Variants in DCAF8 observed in about 807,000 individuals in gnomAD.
The protein encoded by DCAF8 is DDB1- and CUL4-associated factor 8.
Under a neutral mutation model 68.0 loss-of-function variants are expected in DCAF8, and 20 were observed. The ratio of observed to expected loss-of-function variants is 0.29; its 90% CI spans 0.21 to 0.43. The LOEUF (loss-of-function observed/expected upper bound fraction) is 0.43, where lower values mean the gene tolerates loss of function less well. DCAF8 is among the 20% of genes least tolerant of loss of function. The pLI, the probability that DCAF8 is intolerant of heterozygous loss-of-function variation, is 1.00. For missense variants in DCAF8, 460 were observed against 771.0 expected, an observed-to-expected ratio of 0.60 and a Z score of 4.78; for synonymous variants, 230 against 276.9, an observed-to-expected ratio of 0.83 and a Z score of 1.68.
chr1:160,246,584 G>C (rs1446599873), intron 2 of DCAF8, among the ~76,000 whole-genome samples: 1 of 152,100 alleles, frequency 6.6e-6, no homozygotes, highest in Non-Finnish European at 1.5e-5. Context: ...TTGAGCTCAG[G>C]AATTCAAGAC....
chr1:160,257,419 T>C (rs1571117224), intron 2 of DCAF8, among the ~76,000 whole-genome samples: 2 of 152,298 alleles, frequency 1.3e-5, no homozygotes, highest in Non-Finnish European at 2.9e-5. Context: ...TTTTATACAG[T>C]AGAAATAATG....
intron 6 of DCAF8, among the ~76,000 whole-genome samples, chr1:160,236,021 G>A (rs1571092681): frequency 1.3e-5 from 2 of 152,274 alleles, no homozygotes; most frequent in South Asian, 4.2e-4. Flanking sequence ...TTACAGGCGT[G>A]AGCCACCGTG....
chr1:160,231,359 C>A lies in DCAF8; in HGVS notation c.1008G>T (p.Thr336=), dbSNP rs766567740. ...KEKEKKVGLY[T]IYVNPANTHQ... ...GGGTATTGGCAGGATTCACATAGAT[C>A]GTATACAGCCCCACTTTCTTCTCTT... The change falls in exon 7 of 14, where the codon ACG becomes ACT. Residue 336 remains threonine, a synonymous_variant. Transcript: ENST00000368074. 2 of 1,614,142 alleles carry A rather than the reference C, an allele frequency of 1.2e-6. No homozygotes were observed. The highest frequency in any genetic ancestry group is 4.5e-5 in the East Asian group (2 of 44,874).
Position 160,231,423 on chromosome 1 carries a change from A to C in DCAF8, c.960-16T>G, listed in dbSNP as rs756098802. 8.8e-6 allele frequency: 14 copies of C among 1,596,570 alleles called. No individual in the cohort carries two copies. The South Asian group carries it at 1.4e-4, about 16-fold the overall frequency. ...CACCAGTTTCCTTTAAGAGTAGAAAAGCACAGAAAGTTATATACTCCAAAA... is the reference window on the plus strand; with the variant it reads ...CACCAGTTTCCTTTAAGAGTAGAAACGCACAGAAAGTTATATACTCCAAAA... On this transcript the variant is annotated splice_polypyrimidine_tract_variant and intron_variant, in intron 6 of 13. Transcript: ENST00000368074.
rs7538782 is a variant in DCAF8, at chr1:160,232,595, C to G, written c.960-1188G>C. 2.9e-3 allele frequency among the ~76,000 whole-genome samples: 442 copies of G among 151,464 alleles called. 1 individual carries two copies. Among genetic ancestry groups the G allele is most frequent in the African/African-American group, 0.01 (417 of 41,250 alleles). On this transcript the variant is annotated intron_variant, in intron 6 of 13. Transcript: ENST00000368074. ...GGCAGAGGTTCCAGTGGACCAAGAT[C>G]GTGCCACTGCACTCCAGCCTGGGTG...
intron 2 of DCAF8, among the ~76,000 whole-genome samples, chr1:160,245,507 T>C (rs1419509809): frequency 6.6e-6 from 1 of 152,138 alleles, no homozygotes; most frequent in Non-Finnish European, 1.5e-5. Flanking sequence ...AAAAGTATCC[T>C]CTGTCAAAAG....
intron 2 of DCAF8, among the ~76,000 whole-genome samples, chr1:160,254,412 A>C (rs1656738519): frequency 6.6e-6 from 1 of 152,116 alleles, no homozygotes; most frequent in South Asian, 2.1e-4. Flanking sequence ...TTGTATTCCT[A>C]CTGTCATTTG....
chr1:160,234,922 C>T (rs1430679707), intron 6 of DCAF8, among the ~76,000 whole-genome samples: 1 of 152,186 alleles, frequency 6.6e-6, no homozygotes, highest in Non-Finnish European at 1.5e-5. Context: ...TTCCCCAAGC[C>T]TAAAACATTT....
At chr1:160,248,124 G>C (rs1656414653) in intron 2 of DCAF8, among the ~76,000 whole-genome samples, 1 of 151,898 alleles carries the variant, frequency 6.6e-6, no homozygotes, top group Non-Finnish European at 1.5e-5. Flanking sequence ...TGGCCAACAT[G>C]GTGAAACCCC....
At chr1:160,254,321 C>CA (rs201875040) in intron 2 of DCAF8, among the ~76,000 whole-genome samples, 3,374 of 115,354 alleles carry the variant, frequency 0.029, 103 homozygotes, top group African/African-American at 0.093. Flanking sequence ...AACTCTGTCT[C>CA]AAAAAAAAAA....
In DCAF8 at chr1:160,239,892, T is replaced by C; in HGVS notation, c.528A>G (p.Ala176=). The change falls in exon 4 of 14, where the codon GCA becomes GCG. Residue 176 remains alanine (A), a synonymous_variant. Coordinates refer to ENST00000368074, the MANE Select transcript of DCAF8 (RefSeq NM_015726.4). ...GGCGGAAACGCTGCACAAAGACTCT[T>C]GCCCCACAGGCCTCATAGACAAAGC... ...SARFVYEACG[A]RVFVQRFRLQ... 1 of 1,614,244 alleles carries C rather than the reference T, an allele frequency of 6.2e-7. No individual in the cohort carries two copies. Among genetic ancestry groups the C allele is most frequent in the Non-Finnish European group, 8.5e-7 (1 of 1,180,036 alleles).
rs571419613 is a variant in DCAF8 at position 160,245,652 on chromosome 1, GAT to G, written c.-26-1620_-26-1619del. ...TGAAAGACAATGGCAACAAAAAACA[GAT>G]ATGTGAAGCAACATGAAGAAAAATA... On this transcript the variant is annotated intron_variant, in intron 2 of 13. Coordinates refer to ENST00000368074, the MANE Select transcript of DCAF8 (RefSeq NM_015726.4). Among the ~76,000 whole-genome samples, 37 of 152,322 alleles carry G rather than the reference GAT, an allele frequency of 2.4e-4. No homozygotes were observed. The East Asian group carries it at 7.1e-3, about 29-fold the overall frequency.
At chr1:160,231,480 G>T in intron 6 of DCAF8, 73 bp from the exon 7 acceptor site, 1 of 1,056,198 alleles carries the variant, frequency 9.5e-7, no homozygotes, top group Non-Finnish European at 1.5e-6. Context: ...GGAGAGCCAA[G>T]AGAGTCACAT....
intron 2 of DCAF8, among the ~76,000 whole-genome samples, chr1:160,247,168 G>A (rs1186334704): frequency 6.6e-6 from 1 of 152,154 alleles, no homozygotes; most frequent in Non-Finnish European, 1.5e-5. Context: ...TGGAAAAGCT[G>A]ATGAGCTCAC....
intron 2 of DCAF8, among the ~76,000 whole-genome samples, chr1:160,259,675 A>G (rs1180068784): frequency 1.3e-5 from 2 of 152,240 alleles, no homozygotes; most frequent in Non-Finnish European, 2.9e-5. Flanking sequence ...GAAGGAAAAA[A>G]TGTATTCCCT....
chr1:160,235,519 T>C (rs1285904722), intron 6 of DCAF8, among the ~76,000 whole-genome samples: 2 of 151,986 alleles, frequency 1.3e-5, no homozygotes, highest in Non-Finnish European at 1.5e-5. Flanking sequence ...ACCAATGCTA[T>C]GACATTTCTC....
At position 160,217,260 on chromosome 1, in the gene DCAF8, A is replaced by C; in HGVS notation, c.*332T>G. 8.3e-5 allele frequency: 14 copies of C among 169,120 alleles called. No individual in the cohort carries two copies. Among genetic ancestry groups the C allele is most frequent in the East Asian group, 3.2e-4 (2 of 6,268 alleles). 10.5% of individuals were successfully genotyped at this position (169,120 alleles called of 1,614,324 possible). A position where few individuals can be genotyped will look rare whatever the true frequency, so the allele number is the denominator to read the frequency against. On this transcript the variant is annotated 3_prime_UTR_variant, in exon 14 of 14. Coordinates refer to ENST00000368074, the MANE Select transcript of DCAF8 (RefSeq NM_015726.4). ...CCTCCCCCAGCCCAAGAAACAAGGG[A>C]GATTAAAGAAAAAGAAACCCCATTC...
Position 160,218,455 on chromosome 1 carries a change from G to A in DCAF8, c.1561-15C>T. Reference sequence around the variant, plus strand: ...TTCTTAATCACCTGGAACCCAAAAAGGTTGGGAAGAGGGGGCAGCAATGAA... The same window carrying A: ...TTCTTAATCACCTGGAACCCAAAAAAGTTGGGAAGAGGGGGCAGCAATGAA... On this transcript the variant is annotated splice_polypyrimidine_tract_variant and intron_variant, in intron 12 of 13. Transcript: ENST00000368074. The A allele has an allele frequency of 1.2e-6, 2 of 1,607,420 alleles. No individual in the cohort carries two copies. Among genetic ancestry groups the A allele is most frequent in the African/African-American group, 1.3e-5 (1 of 74,908 alleles).
intron 2 of DCAF8, among the ~76,000 whole-genome samples, chr1:160,252,753 G>C (rs376363619): frequency 3.3e-5 from 5 of 152,142 alleles, no homozygotes; most frequent in African/African-American, 1.2e-4. Context: ...CATGAGAATC[G>C]TTGTAAAGGT....
Sources: allele counts gnomAD v4.1 joint callset (sites outside exome capture counted in the v4.1 genomes callset), GRCh38; gene constraint gnomAD v4.1.1; transcripts MANE v1.5; gene names NCBI Gene and HGNC (gene_info 2026-07-23, HGNC 2026-07-21).